The following TENM3 variants were observed in gnomAD, a reference collection of about 807,000 sequenced individuals.
TENM3 encodes the protein teneurin-3.
In TENM3, 63 loss-of-function variants were observed where a neutral mutation model predicts 255.1. The ratio of observed to expected loss-of-function variants is 0.25; its 90% CI spans 0.20 to 0.30. TENM3 has a LOEUF of 0.30. Ranked by LOEUF, TENM3 falls within the 10% of genes least tolerant of loss-of-function variation. The pLI, the probability that TENM3 is intolerant of heterozygous loss-of-function variation, is 1.00. For missense variants in TENM3, 2,929 were observed against 3,461.1 expected (o/e 0.85, Z 3.86); for synonymous variants, 1,306 against 1,322.3 (o/e 0.99, Z 0.27).
At chr4:182,414,996 C>T (rs993848332) in intron 3 of TENM3, among the ~76,000 whole-genome samples, 2 of 152,216 alleles carry the variant, frequency 1.3e-5, no homozygotes, top group Non-Finnish European at 1.5e-5. Flanking sequence ...TTTCAACCTT[C>T]GTTATTGTGT....
chr4:182,175,849 T>G (rs1752453029), intron 1 of TENM3, among the ~76,000 whole-genome samples: 1 of 152,130 alleles, frequency 6.6e-6, no homozygotes, highest in South Asian at 2.1e-4. Context: ...TGCGGAACAC[T>G]GGGATGATGG....
the TENM3 span, among the ~76,000 whole-genome samples, chr4:181,454,562 T>C: frequency 6.6e-6 from 1 of 150,536 alleles, no homozygotes; most frequent in South Asian, 2.1e-4. Context: ...TACTGTAAGC[T>C]CCATTCCTGG....
At chr4:181,804,603 G>A in the TENM3 span, among the ~76,000 whole-genome samples, 5 of 152,188 alleles carry the variant, frequency 3.3e-5, no homozygotes, top group Non-Finnish European at 7.3e-5. Context: ...GATACAGAGG[G>A]AAAGGCAATT....
chr4:182,703,402 A>T (rs1198014480), intron 12 of TENM3, among the ~76,000 whole-genome samples: 1 of 152,154 alleles, frequency 6.6e-6, no homozygotes, highest in Non-Finnish European at 1.5e-5. Flanking sequence ...TGAACACTCT[A>T]CCCACTTCCT....
At chr4:181,804,116 G>C in the TENM3 span, among the ~76,000 whole-genome samples, 1 of 133,594 alleles carries the variant, frequency 7.5e-6, no homozygotes, top group Non-Finnish European at 1.7e-5. Context: ...AGGAGAAGGA[G>C]GGAGGGAAAG....
chr4:182,105,615 G>T, the TENM3 span, among the ~76,000 whole-genome samples: 2 of 152,196 alleles, frequency 1.3e-5, no homozygotes, highest in African/African-American at 4.8e-5. Context: ...AGCTCTCATT[G>T]TCTCCCTCCC....
chr4:182,634,754 C>G (rs1393390676), intron 5 of TENM3, among the ~76,000 whole-genome samples: 1 of 147,450 alleles, frequency 6.8e-6, no homozygotes, highest in Admixed American at 6.8e-5. Flanking sequence ...ACCAGTTGTT[C>G]ACCAAAGAAT....
intron 1 of TENM3, among the ~76,000 whole-genome samples, chr4:182,182,069 T>C (rs934521062): frequency 2.0e-5 from 3 of 152,116 alleles, no homozygotes; most frequent in African/African-American, 7.2e-5. Context: ...CTTTCTTCTA[T>C]TGGGGAATTG....
chr4:182,030,078 T>TGTTGTA, the TENM3 span, among the ~76,000 whole-genome samples: 1 of 151,074 alleles, frequency 6.6e-6, no homozygotes, highest in African/African-American at 2.4e-5. Context: ...TTGTTGTTGT[T>TGTTGTA]GTATTTTACT....
At chr4:182,077,149 C>T in the TENM3 span, among the ~76,000 whole-genome samples, 1 of 152,086 alleles carries the variant, frequency 6.6e-6, no homozygotes, top group African/African-American at 2.4e-5. Flanking sequence ...CTTCATGCTG[C>T]TGTGATGAAT....
At chr4:181,467,564 A>C in the TENM3 span, among the ~76,000 whole-genome samples, 1 of 152,150 alleles carries the variant, frequency 6.6e-6, no homozygotes, top group Admixed American at 6.6e-5. Flanking sequence ...GTACAAAAAT[A>C]ATTAAATAGA....
the TENM3 span, among the ~76,000 whole-genome samples, chr4:181,806,112 A>T: frequency 6.6e-6 from 1 of 152,224 alleles, no homozygotes; most frequent in Non-Finnish European, 1.5e-5. Flanking sequence ...TGTAATATGT[A>T]TGTATAAAGA....
chr4:181,547,301 G>T, the TENM3 span, among the ~76,000 whole-genome samples: 1 of 151,984 alleles, frequency 6.6e-6, no homozygotes, highest in Non-Finnish European at 1.5e-5. Flanking sequence ...AATAGTAGTA[G>T]GTTTGGAAGA....
At chr4:182,320,371 T>C (rs1322245496) in intron 1 of TENM3, among the ~76,000 whole-genome samples, 2 of 152,192 alleles carry the variant, frequency 1.3e-5, no homozygotes, top group Non-Finnish European at 2.9e-5. Flanking sequence ...AGAATCTGCT[T>C]CGCGCCTCTC....
chr4:182,234,070 T>C (rs796431662), intron 1 of TENM3, among the ~76,000 whole-genome samples: 46 of 152,334 alleles, frequency 3.0e-4, no homozygotes, highest in African/African-American at 1.1e-3. Flanking sequence ...TTTAGGGGTT[T>C]AGGGTGTCTG....
chr4:181,466,362 C>T, the TENM3 span, among the ~76,000 whole-genome samples: 1 of 151,874 alleles, frequency 6.6e-6, no homozygotes, highest in African/African-American at 2.4e-5. Flanking sequence ...GTGATCCACC[C>T]GCCTCGGCCT....
intron 3 of TENM3, among the ~76,000 whole-genome samples, chr4:182,496,863 T>C (rs1019319377): frequency 2.6e-5 from 4 of 152,166 alleles, no homozygotes; most frequent in African/African-American, 9.7e-5. Flanking sequence ...GCTAAAATGA[T>C]TGATTTTGAG....
chr4:181,687,258 T>G, the TENM3 span, among the ~76,000 whole-genome samples: 1 of 152,144 alleles, frequency 6.6e-6, no homozygotes, highest in South Asian at 2.1e-4. Context: ...TGACTATTAT[T>G]TAGTGGTTAT....
At chr4:182,167,882 TTAAA>T (rs758365041) in intron 1 of TENM3, among the ~76,000 whole-genome samples, 9 of 152,246 alleles carry the variant, frequency 5.9e-5, no homozygotes, top group East Asian at 1.9e-4. Context: ...AGACCTTGTC[TTAAA>T]TAAATAAATA....
Sources: allele counts gnomAD v4.1 joint callset (sites outside exome capture counted in the v4.1 genomes callset), GRCh38; gene constraint gnomAD v4.1.1; transcripts MANE v1.5; gene names NCBI Gene and HGNC (gene_info 2026-07-23, HGNC 2026-07-21).